NPFFR2: variants seen among roughly 807,000 people sequenced by gnomAD.
NPFFR2 encodes the protein neuropeptide FF receptor 2.
NPFFR2 carries 15 observed loss-of-function variants against 13.1 expected under a neutral mutation model. That is an observed-to-expected ratio of 1.15 (90% confidence interval 0.77 to 1.76). The LOEUF is 1.76. NPFFR2 is among the 40% of genes most tolerant of loss of function. The pLI, the probability that NPFFR2 is intolerant of heterozygous loss-of-function variation, is 0.00. For synonymous variants in NPFFR2, 190 were observed against 175.7 expected, an observed-to-expected ratio of 1.08 and a Z score of -0.65; for missense variants, 572 against 503.5, an observed-to-expected ratio of 1.14 and a Z score of -1.30.
At chr4:72,087,262 T>C (rs1442936050) in intron 1 of NPFFR2, among the ~76,000 whole-genome samples, 2 of 152,062 alleles carry the variant, frequency 1.3e-5, no homozygotes, top group Non-Finnish European at 2.9e-5. Context: ...AAATTAAGAC[T>C]CACCTGAGAT....
chr4:72,046,543 A>G (rs1447304923), intron 1 of NPFFR2, among the ~76,000 whole-genome samples: 2 of 152,184 alleles, frequency 1.3e-5, no homozygotes, highest in Admixed American at 6.5e-5. Context: ...TCTGTTCTTT[A>G]TAAGTTACTC....
At chr4:72,095,851 C>A (rs1025442925) in intron 1 of NPFFR2, among the ~76,000 whole-genome samples, 2 of 152,142 alleles carry the variant, frequency 1.3e-5, no homozygotes, top group Non-Finnish European at 2.9e-5. Context: ...TTCTCTGCTC[C>A]GTAGCCTCAA....
intron 2 of NPFFR2, among the ~76,000 whole-genome samples, chr4:72,132,055 A>G (rs1722260729): frequency 6.6e-6 from 1 of 151,916 alleles, no homozygotes; most frequent in Non-Finnish European, 1.5e-5. Context: ...AGTTTATTAC[A>G]CAGGTAAACT....
chr4:72,033,523 T>C (rs940214808), intron 1 of NPFFR2, among the ~76,000 whole-genome samples: 1 of 152,176 alleles, frequency 6.6e-6, no homozygotes, highest in Non-Finnish European at 1.5e-5. Flanking sequence ...TTTCTCAATA[T>C]GTGTTTTTCC....
At chr4:72,102,217 G>A (rs150421763) in intron 1 of NPFFR2, among the ~76,000 whole-genome samples, 121 of 152,034 alleles carry the variant, frequency 8.0e-4, no homozygotes, top group African/African-American at 2.7e-3. Context: ...AGATCAATTG[G>A]GTCCTGTTGG....
At chr4:72,070,352 G>A (rs980381985) in intron 1 of NPFFR2, among the ~76,000 whole-genome samples, 3 of 152,076 alleles carry the variant, frequency 2.0e-5, no homozygotes, top group Non-Finnish European at 4.4e-5. Context: ...TTGTGAATAA[G>A]CATTCCAATA....
Position 72,120,358 on chromosome 4 carries a change from G to A in NPFFR2, c.-7-8227G>A, listed in dbSNP as rs940580624. Among the ~76,000 whole-genome samples the A allele has an allele frequency of 4.6e-5, 7 of 152,208 alleles. 1 individual carries two copies. Among genetic ancestry groups the A allele is most frequent in the South Asian group, 4.2e-4 (2 of 4,816 alleles). ...ACAAACTTAAACATTCCTGCCTGCT[G>A]GCTCTGAAAAGAGCAGCAGATCTCC... On this transcript the variant is annotated intron_variant, in intron 1 of 3. Transcript: ENST00000308744.
At chr4:72,042,465 A>G (rs1578417382) in intron 1 of NPFFR2, among the ~76,000 whole-genome samples, 1 of 152,218 alleles carries the variant, frequency 6.6e-6, no homozygotes, top group Admixed American at 6.5e-5. Flanking sequence ...TAATTGGCAG[A>G]GGTTGGAACA....
chr4:72,138,455 CG>C (rs1722491339), intron 3 of NPFFR2, among the ~76,000 whole-genome samples: 5 of 150,478 alleles, frequency 3.3e-5, no homozygotes, highest in Non-Finnish European at 7.4e-5. Flanking sequence ...TGTTCCCTGC[CG>C]TGTGTCCAAG....
chr4:72,075,795 A>G (rs1309023583), intron 1 of NPFFR2, among the ~76,000 whole-genome samples: 1 of 152,122 alleles, frequency 6.6e-6, no homozygotes, highest in Non-Finnish European at 1.5e-5. Flanking sequence ...TAATTGTTTA[A>G]TGAATATAGA....
At chr4:72,042,450 C>T (rs1198663024) in intron 1 of NPFFR2, among the ~76,000 whole-genome samples, 2 of 152,138 alleles carry the variant, frequency 1.3e-5, no homozygotes, top group Non-Finnish European at 2.9e-5. Context: ...AACTTTGGAA[C>T]TAAGTAATTG....
intron 1 of NPFFR2, among the ~76,000 whole-genome samples, chr4:72,050,775 C>A: frequency 6.7e-6 from 1 of 149,388 alleles, no homozygotes; most frequent in African/African-American, 2.5e-5. Context: ...CCCCCCACCC[C>A]ACAACAGTCC....
chr4:72,057,168 T>G (rs541939596), intron 1 of NPFFR2, among the ~76,000 whole-genome samples: 1 of 128,860 alleles, frequency 7.8e-6, no homozygotes, highest in South Asian at 2.7e-4. Context: ...TAATAGAATT[T>G]AAAAATTACC....
chr4:72,058,929 G>A (rs1427101392), intron 1 of NPFFR2, among the ~76,000 whole-genome samples: 7 of 152,046 alleles, frequency 4.6e-5, no homozygotes, highest in African/African-American at 1.4e-4. Context: ...CAGTAAATCC[G>A]TTACAAAATA....
chr4:72,097,094 A>C (rs1578452753), intron 1 of NPFFR2, among the ~76,000 whole-genome samples: 1 of 152,066 alleles, frequency 6.6e-6, no homozygotes, highest in African/African-American at 2.4e-5. Context: ...AATAGAATCA[A>C]TAATTTCCAA....
chr4:72,034,862 T>C (rs1458568844), intron 1 of NPFFR2, among the ~76,000 whole-genome samples: 1 of 152,206 alleles, frequency 6.6e-6, no homozygotes, highest in Admixed American at 6.5e-5. Context: ...ATGGTCCCTA[T>C]AGCAGACAGC....
intron 1 of NPFFR2, among the ~76,000 whole-genome samples, chr4:72,080,629 G>A (rs953177432): frequency 6.6e-6 from 1 of 152,102 alleles, no homozygotes; most frequent in African/African-American, 2.4e-5. Context: ...AATTTCAGCT[G>A]AGATCCAAAG....
intron 1 of NPFFR2, among the ~76,000 whole-genome samples, chr4:72,032,593 A>C (rs753995461): frequency 2.0e-5 from 3 of 152,176 alleles, no homozygotes; most frequent in African/African-American, 4.8e-5. Context: ...CTAAGCAATG[A>C]TCTTTGTGTA....
intron 1 of NPFFR2, among the ~76,000 whole-genome samples, chr4:72,049,786 G>C (rs990611739): frequency 6.6e-6 from 1 of 151,730 alleles, no homozygotes; most frequent in Admixed American, 6.6e-5. Flanking sequence ...TGAAACTCTT[G>C]TAAGTGCTAG....
Sources: allele counts gnomAD v4.1 joint callset (sites outside exome capture counted in the v4.1 genomes callset), GRCh38; gene constraint gnomAD v4.1.1; transcripts MANE v1.5; gene names NCBI Gene and HGNC (gene_info 2026-07-23, HGNC 2026-07-21).